ALOX12B: variants seen among roughly 807,000 people sequenced by gnomAD.
ALOX12B encodes the protein arachidonate 12-lipoxygenase, 12R type.
ALOX12B carries 47 observed loss-of-function variants against 78.9 expected under a neutral mutation model. The ratio of observed to expected loss-of-function variants is 0.60; its 90% CI spans 0.47 to 0.76. The LOEUF is 0.76. Ranked by LOEUF, ALOX12B falls within the 30% of genes least tolerant of loss-of-function variation. The pLI, the probability that ALOX12B is intolerant of heterozygous loss-of-function variation, is 0.00. For missense variants in ALOX12B, 805 were observed against 922.6 expected (o/e 0.87, Z 1.65); for synonymous variants, 370 against 374.5 (o/e 0.99, Z 0.14).
At chr17:8,082,284 G>C (rs1268779560) in intron 2 of ALOX12B, among the ~76,000 whole-genome samples, 1 of 152,090 alleles carries the variant, frequency 6.6e-6, no homozygotes, top group African/African-American at 2.4e-5. Context: ...CACTTACTAG[G>C]TCCCAGGTAT....
chr17:8,079,957 G>T lies in ALOX12B; in HGVS notation c.755-16C>A. 1 of 1,608,634 alleles carries T rather than the reference G, an allele frequency of 6.2e-7. No homozygotes were observed. Among genetic ancestry groups the T allele is most frequent in the South Asian group, 1.1e-5 (1 of 90,310 alleles). ...GCCACGTACTCTGCGAGGACGGCGC[G>T]AGGGCGTCACAAGGAGGCCCGGCCC... is the stretch of plus-strand genomic sequence containing the variant. On this transcript the variant is annotated splice_polypyrimidine_tract_variant and intron_variant, in intron 6 of 14. Transcript: ENST00000647874. The surrounding 1 kb of genome is among the most constrained non-coding windows in gnomAD (Gnocchi z 6.4).
At chr17:8,081,734 C>G (rs200968990) in intron 2 of ALOX12B, among the ~76,000 whole-genome samples, 2 of 152,032 alleles carry the variant, frequency 1.3e-5, no homozygotes, top group African/African-American at 4.8e-5. Context: ...CCTCTGCCTC[C>G]TGGGTTCAAG....
At position 8,081,097 on chromosome 17, in the gene ALOX12B, C is replaced by A; in HGVS notation, c.434+9G>T. The A allele has an allele frequency of 6.2e-7, 1 of 1,613,688 alleles. No homozygotes were observed. The highest frequency in any genetic ancestry group is 1.3e-5 in the African/African-American group (1 of 75,022). ...CCGGGCGCCCAGACTCTGCCACCCG[C>A]CCCCTCACTGGTAGAAGTCCTGCTT... On this transcript the variant is annotated intron_variant, in intron 3 of 14. Transcript: ENST00000647874.
At chr17:8,073,377 A>G in intron 13 of ALOX12B, 59 bp from the exon 14 acceptor site, 1 of 1,607,026 alleles carries the variant, frequency 6.2e-7, no homozygotes, top group South Asian at 1.1e-5. Context: ...GTTTCCTTCC[A>G]CCAGGTGCTG....
rs545387737 is a variant in ALOX12B at position 8,084,736 on chromosome 17, G to C, written c.352+1280C>G. ...ACGGAAGAGAGGTAGTCAGCTGCAG[G>C]GAGGATGGGGCTTCGGGCCCTGGGT... On this transcript the variant is annotated intron_variant, in intron 2 of 14. Coordinates refer to ENST00000647874, the MANE Select transcript of ALOX12B (RefSeq NM_001139.3). Among the ~76,000 whole-genome samples, 106 of 152,328 alleles carry C rather than the reference G, an allele frequency of 7.0e-4. 1 individual carries two copies. The highest frequency in any genetic ancestry group is 2.3e-3 in the African/African-American group (97 of 41,570).
chr17:8,084,029 T>G (rs1430450818), intron 2 of ALOX12B, among the ~76,000 whole-genome samples: 3 of 151,174 alleles, frequency 2.0e-5, no homozygotes, highest in Non-Finnish European at 3.0e-5. Context: ...GTGGTGGCAC[T>G]CGCCTGTAGT....
rs779729947 is a variant in ALOX12B, at chr17:8,072,901, C to T, written c.1976G>A (p.Arg659Gln). The T allele has an allele frequency of 3.1e-6, 5 of 1,614,020 alleles. No individual in the cohort carries two copies. Among genetic ancestry groups the T allele is most frequent in the Admixed American group, 1.7e-5 (1 of 60,026 alleles). ...CTGGCGGAACGCCTCTATGCTCCTCCGCGGGGCCTCCTCCACGAAGTGAAT... is the reference window on the plus strand; with the variant it reads ...CTGGCGGAACGCCTCTATGCTCCTCTGCGGGGCCTCCTCCACGAAGTGAAT... ...PDIHFVEEAP[R>Q]RSIEAFRQRL... The change falls in exon 15 of 15, where the codon CGG becomes CAG. Residue 659 changes from arginine to glutamine, a missense_variant. Transcript: ENST00000647874.
chr17:8,079,952 G>T lies in ALOX12B; in HGVS notation c.755-11C>A. 1 of 1,609,056 alleles carries T rather than the reference G, an allele frequency of 6.2e-7. No homozygotes were observed. Among genetic ancestry groups the T allele is most frequent in the Non-Finnish European group, 8.5e-7 (1 of 1,177,918 alleles). ...GCTCGGCCACGTACTCTGCGAGGAC[G>T]GCGCGAGGGCGTCACAAGGAGGCCC... On this transcript the variant is annotated splice_polypyrimidine_tract_variant and intron_variant, in intron 6 of 14. Transcript: ENST00000647874. The surrounding 1 kb of genome is among the most constrained non-coding windows in gnomAD (Gnocchi z 6.4).
At position 8,079,462 on chromosome 17, in the gene ALOX12B, G is replaced by C. The variant is rs1977158676; in HGVS notation, c.1005C>G (p.His335Gln). Residue 335 changes from histidine (H) to glutamine (Q), a missense_variant, in exon 8 of 15, where the codon CAC becomes CAG. Coordinates refer to ENST00000647874, the MANE Select transcript of ALOX12B (RefSeq NM_001139.3). This position sits in a 1 kb window ranked among gnomAD's most constrained non-coding sequence, Gnocchi z 6.4. ...PTVELSGRKQ[H>Q]HCAPLCLLHF... ...GCAGCAGGCAGAGGGGGGCGCAGTG[G>C]TGCTGCTTCCGGCCGCTGAGCTCCA... is the stretch of plus-strand genomic sequence containing the variant. 1 of 1,551,102 alleles carries C rather than the reference G, an allele frequency of 6.4e-7. No individual in the cohort carries two copies. Among genetic ancestry groups the C allele is most frequent in the Non-Finnish European group, 8.7e-7 (1 of 1,146,994 alleles).
At chr17:8,076,024 G>T in intron 11 of ALOX12B, 151 bp downstream of exon 11, 1 of 1,080,200 alleles carries the variant, frequency 9.3e-7, no homozygotes, top group Non-Finnish European at 1.4e-6. Flanking sequence ...GGGTGTAGGT[G>T]TGATGGACAC....
chr17:8,080,424 AGGTCTCTG>A lies in ALOX12B; in HGVS notation c.651-94_651-87del. On this transcript the variant is annotated intron_variant, in intron 5 of 14. Transcript: ENST00000647874. This position sits in a 1 kb window ranked among gnomAD's most constrained non-coding sequence, Gnocchi z 4.8. ...GGTGGCGGGGCCGCCCCATCCACTTAGGTCTCTGGGTCTCAGGGTCTGTGCGTCGCAAA... is the reference window on the plus strand; with the variant it reads ...GGTGGCGGGGCCGCCCCATCCACTTAGGTCTCAGGGTCTGTGCGTCGCAAA... 1 of 1,493,130 alleles carries A rather than the reference AGGTCTCTG, an allele frequency of 6.7e-7. No individual in the cohort carries two copies. Among genetic ancestry groups the A allele is most frequent in the Non-Finnish European group, 9.3e-7 (1 of 1,071,000 alleles). 92.5% of individuals were successfully genotyped at this position (1,493,130 alleles called of 1,614,324 possible). A position where few individuals can be genotyped will look rare whatever the true frequency, so the allele number is the denominator to read the frequency against.
chr17:8,072,652 G>A lies in ALOX12B; in HGVS notation c.*119C>T, dbSNP rs770670412. On this transcript the variant is annotated 3_prime_UTR_variant, in exon 15 of 15. Coordinates refer to ENST00000647874, the MANE Select transcript of ALOX12B (RefSeq NM_001139.3). ...AGACCCAGGGAAAGGAAGGTTTTTT[G>A]TTTTTTTGTTTGTTTGGTGTTTTGG... The A allele has an allele frequency of 7.0e-7, 1 of 1,438,486 alleles. No individual in the cohort carries two copies. Among genetic ancestry groups the A allele is most frequent in the Non-Finnish European group, 9.7e-7 (1 of 1,033,916 alleles). 89.1% of individuals were successfully genotyped at this position (1,438,486 alleles called of 1,614,324 possible). A position where few individuals can be genotyped will look rare whatever the true frequency, so the allele number is the denominator to read the frequency against.
chr17:8,076,735 G>A lies in ALOX12B; in HGVS notation c.1284C>T (p.Ile428=), dbSNP rs1206589334. 6.4e-7 allele frequency: 1 copy of A among 1,550,526 alleles called. No individual in the cohort carries two copies. Among genetic ancestry groups the A allele is most frequent in the South Asian group, 1.2e-5 (1 of 84,012 alleles). The change falls in exon 10 of 15, where the codon ATC becomes ATT. Residue 428 remains isoleucine (I), a synonymous_variant. Coordinates refer to ENST00000647874, the MANE Select transcript of ALOX12B (RefSeq NM_001139.3). ...TCTGGACGGTGTATCGGGTATGGGG[G>A]ATGAGGAGCTGTGGGGAGAGCAAGG... ...PMCHPLYKLL[I]PHTRYTVQIN...
At chr17:8,076,056 C>T in intron 11 of ALOX12B, 119 bp downstream of exon 11, 1 of 1,395,630 alleles carries the variant, frequency 7.2e-7, no homozygotes, top group Non-Finnish European at 1.0e-6. Context: ...GCCCCTTCCC[C>T]AAGGCCAAGC....
chr17:8,075,711 A>C lies in ALOX12B; in HGVS notation c.1538T>G (p.Val513Gly). 6.2e-7 allele frequency: 1 copy of C among 1,614,150 alleles called. No individual in the cohort carries two copies. The highest frequency in any genetic ancestry group is 8.5e-7 in the Non-Finnish European group (1 of 1,180,014). ...LAVWNALEKY[V>G]TEIITYYYPS... is the part of the protein sequence containing the mutation. Reference sequence around the variant, plus strand: ...GTAATAATAGGTGATGATCTCCGTCACATACCTGACCAGGGGACAGGGCCT... The same window carrying C: ...GTAATAATAGGTGATGATCTCCGTCCCATACCTGACCAGGGGACAGGGCCT... The change falls in exon 12 of 15, where the codon GTG becomes GGG. Residue 513 changes from valine (V) to glycine (G), a missense_variant. By Grantham distance (109) the Val-to-Gly change is moderately radical. Coordinates refer to ENST00000647874, the MANE Select transcript of ALOX12B (RefSeq NM_001139.3).
At chr17:8,087,243 C>G (rs1446578294) in intron 1 of ALOX12B, 53 bp downstream of exon 1, 60 of 1,440,254 alleles carry the variant, frequency 4.2e-5, no homozygotes, top group Middle Eastern at 1.8e-4. Context: ...CACAGACACA[C>G]ACACACACAC....
intron 10 of ALOX12B, 66 bp from the exon 11 acceptor site, chr17:8,076,410 G>C: frequency 6.5e-7 from 1 of 1,538,002 alleles, no homozygotes; most frequent in Non-Finnish European, 8.8e-7. Context: ...GGTCCTCTAG[G>C]ATCCCAGTAA....
chr17:8,079,726 AGGCCGGGAGGAG>A lies in ALOX12B; in HGVS notation c.927+31_927+42del. On this transcript the variant is annotated intron_variant, in intron 7 of 14. Coordinates refer to ENST00000647874, the MANE Select transcript of ALOX12B (RefSeq NM_001139.3). The surrounding 1 kb of genome is among the most constrained non-coding windows in gnomAD (Gnocchi z 6.4). ...GGAGAGACGGGGATGCCCGCGAGGG[AGGCCGGGAGGAG>A]GGCCGGGGTCTCCGCCGGAGCGGGC... 6.3e-7 allele frequency: 1 copy of A among 1,590,862 alleles called. No individual in the cohort carries two copies. The highest frequency in any genetic ancestry group is 1.1e-5 in the South Asian group (1 of 88,578).
In ALOX12B at chr17:8,079,161, T is replaced by G. The variant is rs1171561433; in HGVS notation, c.1071+235A>C. Among the ~76,000 whole-genome samples the G allele has an allele frequency of 6.6e-6, 1 of 151,716 alleles. No homozygotes were observed. Among genetic ancestry groups the G allele is most frequent in the East Asian group, 2.0e-4 (1 of 5,124 alleles). ...ATCCGCCCGCCTCGGCCTCCCAAAGTGCTGGGATTACAGGCGTGAGCCACC... is the reference window on the plus strand; with the variant it reads ...ATCCGCCCGCCTCGGCCTCCCAAAGGGCTGGGATTACAGGCGTGAGCCACC... On this transcript the variant is annotated intron_variant, in intron 8 of 14. Coordinates refer to ENST00000647874, the MANE Select transcript of ALOX12B (RefSeq NM_001139.3). This position sits in a 1 kb window ranked among gnomAD's most constrained non-coding sequence, Gnocchi z 6.4.
Sources: gnomAD v4.1 joint callset for allele counts (sites outside exome capture counted in the v4.1 genomes callset) on GRCh38, gnomAD v4.1.1 for gene constraint, Gnocchi (gnomAD v3.1) non-coding constraint, MANE v1.5 for transcripts, NCBI Gene and HGNC (gene_info 2026-07-23, HGNC 2026-07-21) for gene names.